The following OSBPL10 variants were observed in gnomAD, a reference collection of about 807,000 sequenced individuals.
The protein encoded by OSBPL10 is oxysterol binding protein like 10.
In OSBPL10, 49 loss-of-function variants were observed where a neutral mutation model predicts 81.7. The observed-to-expected ratio is 0.60, with a 90% CI of 0.48 to 0.76. OSBPL10 has a LOEUF of 0.76. Among genes scored for constraint, OSBPL10 ranks in the 30% least tolerant of loss-of-function variants. OSBPL10 has a pLI of 0.00. For missense variants in OSBPL10, 923 were observed against 987.8 expected, an observed-to-expected ratio of 0.93 and a Z score of 0.88; for synonymous variants, 419 against 383.6, an observed-to-expected ratio of 1.09 and a Z score of -1.08.
intron 2 of OSBPL10, among the ~76,000 whole-genome samples, chr3:32,009,040 T>C (rs773239560): frequency 1.4e-4 from 22 of 152,220 alleles, no homozygotes; most frequent in Non-Finnish European, 3.1e-4. Context: ...TTTGTACTTT[T>C]CTATACTGTT....
chr3:32,010,139 C>CTT (rs1699239546), intron 2 of OSBPL10, among the ~76,000 whole-genome samples: 1 of 143,080 alleles, frequency 7.0e-6, no homozygotes, highest in Non-Finnish European at 1.5e-5. Context: ...GGAGGCTGCC[C>CTT]ATTTTTTTTT....
chr3:31,763,759 T>C (rs1049456117), intron 4 of OSBPL10, among the ~76,000 whole-genome samples: 4 of 152,036 alleles, frequency 2.6e-5, no homozygotes, highest in African/African-American at 9.7e-5. Flanking sequence ...AAGAAATGCA[T>C]CTCCAAATGG....
chr3:31,876,367 C>G, intron 3 of OSBPL10, 66 bp downstream of exon 3: 1 of 1,391,906 alleles, frequency 7.2e-7, no homozygotes, highest in Non-Finnish European at 1.0e-6. Context: ...CCCGAAGAAA[C>G]AAATAATGGG....
At chr3:32,026,015 G>GATAC (rs1699403054) in intron 2 of OSBPL10, among the ~76,000 whole-genome samples, 1 of 107,102 alleles carries the variant, frequency 9.3e-6, no homozygotes, top group Non-Finnish European at 1.9e-5. Flanking sequence ...TACAGACATA[G>GATAC]ATAGATAGAT....
At chr3:31,721,012 T>A (rs186559522) in intron 6 of OSBPL10, among the ~76,000 whole-genome samples, 24 of 151,876 alleles carry the variant, frequency 1.6e-4, no homozygotes, top group Admixed American at 7.2e-4. Context: ...AACAGGGAGA[T>A]TTTCCTAGAT....
chr3:31,829,845 C>T (rs536191764), intron 4 of OSBPL10, among the ~76,000 whole-genome samples, 195 bp downstream of exon 4: 1 of 152,318 alleles, frequency 6.6e-6, no homozygotes, highest in East Asian at 1.9e-4. Context: ...CCTAACAATT[C>T]ACTTAACCTA....
chr3:32,071,315 T>A (rs958076741), intron 1 of OSBPL10, among the ~76,000 whole-genome samples: 5 of 152,196 alleles, frequency 3.3e-5, no homozygotes, highest in Non-Finnish European at 7.3e-5. Context: ...ATACCTGGTT[T>A]TGCATCCTAA....
intron 2 of OSBPL10, among the ~76,000 whole-genome samples, chr3:32,028,895 T>C (rs1699439894): frequency 6.8e-6 from 1 of 146,574 alleles, no homozygotes; most frequent in African/African-American, 2.6e-5. Flanking sequence ...AACATCTACT[T>C]ACAGATATTG....
chr3:32,020,233 A>T (rs1286376366), intron 2 of OSBPL10, among the ~76,000 whole-genome samples: 1 of 152,240 alleles, frequency 6.6e-6, no homozygotes, highest in African/African-American at 2.4e-5. Flanking sequence ...GAATCTGTAT[A>T]GTTGTACAAT....
At chr3:32,007,437 A>G (rs1298940619) in intron 2 of OSBPL10, among the ~76,000 whole-genome samples, 1 of 152,180 alleles carries the variant, frequency 6.6e-6, no homozygotes, top group African/African-American at 2.4e-5. Flanking sequence ...TGAAATCAGT[A>G]TCACTGGTCC....
chr3:31,862,493 T>A (rs867169494), intron 3 of OSBPL10, among the ~76,000 whole-genome samples: 1 of 152,142 alleles, frequency 6.6e-6, no homozygotes, highest in South Asian at 2.1e-4. Flanking sequence ...GCTTTTTTTT[T>A]ATTTTCTAAA....
chr3:31,930,142 G>C (rs907116600), intron 1 of OSBPL10, among the ~76,000 whole-genome samples: 3 of 148,654 alleles, frequency 2.0e-5, no homozygotes, highest in African/African-American at 7.5e-5. Context: ...AACACAGCAA[G>C]ACCTCAGATC....
intron 4 of OSBPL10, chr3:31,796,226 C>A (rs1699207529): frequency 1.0e-5 from 2 of 197,514 alleles, no homozygotes. Context: ...TCATTTGACA[C>A]AGGAGAGTTC....
intron 1 of OSBPL10, among the ~76,000 whole-genome samples, chr3:32,073,900 C>T (rs7630760): frequency 6.6e-6 from 1 of 152,128 alleles, no homozygotes; most frequent in Non-Finnish European, 1.5e-5. Context: ...ATACTTCCGC[C>T]CTGATGAAGT....
intron 1 of OSBPL10, among the ~76,000 whole-genome samples, chr3:31,913,526 G>C (rs958141597): frequency 6.6e-6 from 1 of 152,194 alleles, no homozygotes; most frequent in African/African-American, 2.4e-5. Context: ...GGGATTACAG[G>C]CGTGAGCCAC....
Position 31,965,431 on chromosome 3 carries a change from T to C in OSBPL10, c.281+15468A>G, listed in dbSNP as rs1465160200. Among the ~76,000 whole-genome samples the C allele has an allele frequency of 1.7e-4, 14 of 80,416 alleles. No homozygotes were observed. In the East Asian group the frequency reaches 4.9e-3, roughly 28 times the overall value. The allele number at this position is 80,416 out of a possible 152,430, so 52.8% of individuals were successfully genotyped here. A position where few individuals can be genotyped will look rare whatever the true frequency, so the allele number is the denominator to read the frequency against. ...AATATATATTATATATAATAGATAATATATAATATATATTATATAATATAT... is the reference window on the plus strand; with the variant it reads ...AATATATATTATATATAATAGATAACATATAATATATATTATATAATATAT... On this transcript the variant is annotated intron_variant, in intron 1 of 11. Coordinates refer to ENST00000396556, the MANE Select transcript of OSBPL10 (RefSeq NM_017784.5).
intron 4 of OSBPL10, among the ~76,000 whole-genome samples, chr3:31,766,409 C>T (rs2125734979): frequency 7.0e-6 from 1 of 142,654 alleles, no homozygotes; most frequent in East Asian, 2.3e-4. Context: ...GTGGCACAAT[C>T]ATTGCTCATT....
At chr3:31,876,554 G>A (rs1701477747) in intron 2 of OSBPL10, 42 bp from the exon 3 acceptor site, 2 of 1,532,226 alleles carry the variant, frequency 1.3e-6, no homozygotes, top group South Asian at 2.2e-5. Context: ...TGCAGAGATT[G>A]TTCCAAAACA....
intron 7 of OSBPL10, among the ~76,000 whole-genome samples, chr3:31,697,459 T>TAATAAAAC (rs1695760295): frequency 6.6e-6 from 1 of 152,048 alleles, no homozygotes; most frequent in South Asian, 2.1e-4. Context: ...TGGCAATTAA[T>TAATAAAAC]AATAAAACAA....
Sources: gnomAD v4.1 joint callset for allele counts (sites outside exome capture counted in the v4.1 genomes callset) on GRCh38, gnomAD v4.1.1 for gene constraint, MANE v1.5 for transcripts, NCBI Gene and HGNC (gene_info 2026-07-23, HGNC 2026-07-21) for gene names.